Variants in SLC27A6 observed in about 807,000 individuals in gnomAD.
SLC27A6 encodes long-chain fatty acid transport protein 6.
In SLC27A6, 74 loss-of-function variants were observed where a neutral mutation model predicts 63.9. That is an observed-to-expected ratio of 1.16 (90% CI 0.96 to 1.40). The LOEUF is 1.40. Ranked by LOEUF, SLC27A6 falls within the 40% of genes most tolerant of loss-of-function variation. The pLI is 0.00. For synonymous variants in SLC27A6, 287 were observed against 260.8 expected, an observed-to-expected ratio of 1.10 and a Z score of -0.97; for missense variants, 794 against 732.9, an observed-to-expected ratio of 1.08 and a Z score of -0.96.
At chr5:129,024,060 T>A (rs1752161373) in intron 6 of SLC27A6, among the ~76,000 whole-genome samples, 1 of 152,116 alleles carries the variant, frequency 6.6e-6, no homozygotes, top group Non-Finnish European at 1.5e-5. Flanking sequence ...AAACCATGGA[T>A]ATGGAGGGCC....
chr5:128,984,282 T>C lies in SLC27A6; in HGVS notation c.482-851T>C, dbSNP rs138138416. Among the ~76,000 whole-genome samples, 1,455 of 152,344 alleles carry C rather than the reference T, an allele frequency of 9.6e-3. 17 individuals carry two copies. Among genetic ancestry groups the C allele is most frequent in the African/African-American group, 0.032 (1,351 of 41,578 alleles). ...GTTTCTTTTGTATCCCACAGAGTGT[T>C]GGTTACCTCAGTGCTTAATTATTTC... On this transcript the variant is annotated intron_variant, in intron 1 of 9. Transcript: ENST00000262462.
intron 1 of SLC27A6, among the ~76,000 whole-genome samples, chr5:128,979,746 A>G (rs1750520149): frequency 6.6e-6 from 1 of 152,184 alleles, no homozygotes; most frequent in African/African-American, 2.4e-5. Context: ...ATTATATTAT[A>G]ATAATATTCA....
rs187891596 is a variant in SLC27A6, at chr5:128,990,472, T to C, written c.969+8T>C. 6,157 of 1,597,936 alleles carry C rather than the reference T, an allele frequency of 3.9e-3. 203 individuals are homozygous for C. The African/African-American group carries it at 0.071, about 19-fold the overall frequency. The stretch of plus-strand genomic sequence containing the variant: ...CTTTGCAAACAATCTAAGGTAGGCG[T>C]AATCATTATCAGAAAAAAATATGTC... On this transcript the variant is annotated splice_region_variant and intron_variant, in intron 4 of 9. Coordinates refer to ENST00000262462, the MANE Select transcript of SLC27A6 (RefSeq NM_001017372.3).
intron 4 of SLC27A6, among the ~76,000 whole-genome samples, chr5:128,995,520 G>C (rs1269942159): frequency 2.0e-5 from 3 of 152,188 alleles, no homozygotes; most frequent in Admixed American, 2.0e-4. Context: ...CGGTGATGGA[G>C]AATGATGGAC....
At chr5:129,006,071 GTTTTTTTTT>G (rs4068575) in intron 4 of SLC27A6, among the ~76,000 whole-genome samples, 1,824 of 60,212 alleles carry the variant, frequency 0.03, 75 homozygotes, top group African/African-American at 0.13. Context: ...TGTGCACACT[GTTTTTTTTT>G]TTTTTTTTTT....
chr5:128,982,774 G>C (rs11951030), intron 1 of SLC27A6, among the ~76,000 whole-genome samples: 2 of 152,268 alleles, frequency 1.3e-5, no homozygotes, highest in East Asian at 3.9e-4. Context: ...ATATACAGCA[G>C]CATGATGTGT....
Position 129,015,930 on chromosome 5 carries a change from G to C in SLC27A6, c.1015G>C (p.Gly339Arg), listed in dbSNP as rs1182936800. 1 of 1,600,800 alleles carries C rather than the reference G, an allele frequency of 6.2e-7. No individual in the cohort carries two copies. The highest frequency in any genetic ancestry group is 2.3e-5 in the East Asian group (1 of 43,912). Residue 339 changes from glycine (G) to arginine (R), a missense_variant, in exon 5 of 10, where the codon GGC becomes CGC. Transcript: ENST00000262462. The part of the protein sequence containing the change: ...DHKVRLAIGN[G>R]IRSDVWREFL... The stretch of plus-strand genomic sequence containing the variant: ...TAAGGTGCGTTTGGCAATTGGAAAT[G>C]GCATACGGAGTGATGTATGGAGAGA...
rs1751876060 is a variant in SLC27A6 at position 129,015,928 on chromosome 5, A to G, written c.1013A>G (p.Asn338Ser). 6.3e-7 allele frequency: 1 copy of G among 1,599,412 alleles called. No homozygotes were observed. The highest frequency in any genetic ancestry group is 8.5e-7 in the Non-Finnish European group (1 of 1,174,844). Residue 338 changes from asparagine to serine, a missense_variant, in exon 5 of 10, where the codon AAT becomes AGT. Coordinates refer to ENST00000262462, the MANE Select transcript of SLC27A6 (RefSeq NM_001017372.3). ...CATAAGGTGCGTTTGGCAATTGGAA[A>G]TGGCATACGGAGTGATGTATGGAGA... Reference protein sequence around the residue: ...KDHKVRLAIGNGIRSDVWREF... With the variant: ...KDHKVRLAIGSGIRSDVWREF...
intron 3 of SLC27A6, among the ~76,000 whole-genome samples, chr5:128,989,393 C>T (rs1441310288): frequency 6.6e-6 from 1 of 152,128 alleles, no homozygotes; most frequent in Non-Finnish European, 1.5e-5. Flanking sequence ...CTAGACCTCA[C>T]ATAATATACA....
At chr5:128,973,804 T>C (rs948387497) in intron 1 of SLC27A6, among the ~76,000 whole-genome samples, 3 of 152,232 alleles carry the variant, frequency 2.0e-5, no homozygotes, top group Admixed American at 6.5e-5. Flanking sequence ...CCAAATGAGA[T>C]GAATCCGGTA....
intron 4 of SLC27A6, among the ~76,000 whole-genome samples, chr5:129,007,195 C>G (rs1751570806): frequency 6.6e-6 from 1 of 151,822 alleles, no homozygotes; most frequent in Non-Finnish European, 1.5e-5. Context: ...CCTGTAATCC[C>G]AGCACTTTGG....
chr5:129,007,694 T>C (rs1188374360), intron 4 of SLC27A6, among the ~76,000 whole-genome samples: 6 of 152,012 alleles, frequency 3.9e-5, no homozygotes, highest in Non-Finnish European at 7.4e-5. Flanking sequence ...CTCTCCTCAA[T>C]AAGATATAAA....
rs759784112 is a variant in SLC27A6, at chr5:128,985,119, C to G, written c.482-14C>G. On this transcript the variant is annotated splice_polypyrimidine_tract_variant and intron_variant, in intron 1 of 9. Transcript: ENST00000262462. Reference sequence around the variant, plus strand: ...TAAGGTTTGCTTAACTCTTCCCAACCCTTTGGCTTTTAGATTTGCTTGGAA... The same window carrying G: ...TAAGGTTTGCTTAACTCTTCCCAACGCTTTGGCTTTTAGATTTGCTTGGAA... The G allele has an allele frequency of 2.3e-5, 37 of 1,605,996 alleles. 1 individual carries two copies. The South Asian group carries it at 4.0e-4, about 17-fold the overall frequency.
At chr5:129,015,070 A>G (rs966286052) in intron 4 of SLC27A6, among the ~76,000 whole-genome samples, 1 of 152,208 alleles carries the variant, frequency 6.6e-6, no homozygotes, top group Non-Finnish European at 1.5e-5. Context: ...TTGCTGATTT[A>G]TTATTACATC....
chr5:129,005,680 T>TC (rs1751498315), intron 4 of SLC27A6, among the ~76,000 whole-genome samples: 1 of 143,542 alleles, frequency 7.0e-6, no homozygotes, highest in Non-Finnish European at 1.5e-5. Flanking sequence ...TGGCCTGATC[T>TC]CGGCTCACTG....
intron 1 of SLC27A6, among the ~76,000 whole-genome samples, chr5:128,968,857 G>A (rs1750017716): frequency 1.3e-5 from 2 of 152,126 alleles, no homozygotes; most frequent in Non-Finnish European, 2.9e-5. Context: ...GTCCTGAATG[G>A]TATTGCCTAG....
At chr5:128,994,716 A>C (rs553721621) in intron 4 of SLC27A6, among the ~76,000 whole-genome samples, 1 of 152,344 alleles carries the variant, frequency 6.6e-6, no homozygotes, top group East Asian at 1.9e-4. Context: ...ATTTGTTGAC[A>C]ATCTCAGGGT....
At position 128,975,799 on chromosome 5, in the gene SLC27A6, C is replaced by T. The variant is rs377548316; in HGVS notation, c.481+9181C>T. Among the ~76,000 whole-genome samples the T allele has an allele frequency of 3.9e-5, 6 of 152,122 alleles. No individual in the cohort carries two copies. The East Asian group carries it at 1.2e-3, about 29-fold the overall frequency. ...ATATCCTTTCTTTACATTATTTTTGCTCCTGACAGTATTCAAGCATCATTC... is the reference window on the plus strand; with the variant it reads ...ATATCCTTTCTTTACATTATTTTTGTTCCTGACAGTATTCAAGCATCATTC... On this transcript the variant is annotated intron_variant, in intron 1 of 9. Transcript: ENST00000262462.
intron 5 of SLC27A6, among the ~76,000 whole-genome samples, chr5:129,016,754 T>C (rs1281580148): frequency 3.3e-5 from 5 of 152,202 alleles, no homozygotes; most frequent in African/African-American, 1.2e-4. Flanking sequence ...CTATTTCTAT[T>C]TATCTTTCAT....
Sources: gnomAD v4.1 joint callset for allele counts (sites outside exome capture counted in the v4.1 genomes callset) on GRCh38, gnomAD v4.1.1 for gene constraint, MANE v1.5 for transcripts, NCBI Gene and HGNC (gene_info 2026-07-23, HGNC 2026-07-21) for gene names.